Variants in SNTG1 observed in about 807,000 individuals in gnomAD.
SNTG1 encodes the protein syntrophin gamma 1.
SNTG1 carries 39 observed loss-of-function variants against 74.7 expected under a neutral mutation model. That is an observed-to-expected ratio of 0.52 (90% CI 0.40 to 0.68). The LOEUF (loss-of-function observed/expected upper bound fraction) is 0.68, where lower values mean the gene tolerates loss of function less well. Among genes scored for constraint, SNTG1 ranks in the 30% least tolerant of loss-of-function variants. The pLI, the probability that SNTG1 is intolerant of heterozygous loss-of-function variation, is 0.00. For missense variants in SNTG1, 685 were observed against 609.5 expected (o/e 1.12, Z -1.30); for synonymous variants, 254 against 217.1 (o/e 1.17, Z -1.49).
At chr8:50,595,398 GA>G (rs2094720667) in intron 13 of SNTG1, among the ~76,000 whole-genome samples, 1 of 151,958 alleles carries the variant, frequency 6.6e-6, no homozygotes, top group African/African-American at 2.4e-5. Flanking sequence ...TATTTCCCAG[GA>G]AAAAGAGGTG....
chr8:50,752,021 A>G lies in SNTG1; in HGVS notation c.1305A>G (p.Lys435=), dbSNP rs750409773. 1 of 1,568,216 alleles carries G rather than the reference A, an allele frequency of 6.4e-7. No individual in the cohort carries two copies. Among genetic ancestry groups the G allele is most frequent in the Admixed American group, 2.0e-5 (1 of 50,026 alleles). The change falls in exon 18 of 19, where the codon AAA becomes AAG. Residue 435 remains lysine, a synonymous_variant. Transcript: ENST00000642720. ...TTTAGGCTGTCCTTTGGAGGTATAA[A>G]TTCTCTCAGCTTAAAGGTTCTTCAG... The part of the protein sequence containing the change: ...AATKAVLWRY[K]FSQLKGSSDD...
intron 2 of SNTG1, among the ~76,000 whole-genome samples, chr8:50,372,164 A>G (rs1449402282): frequency 2.0e-5 from 3 of 147,270 alleles, no homozygotes; most frequent in African/African-American, 2.5e-5. Context: ...ATCTTATCCC[A>G]TGTCAACTTT....
At chr8:50,093,709 G>A (rs984252993) in intron 1 of SNTG1, among the ~76,000 whole-genome samples, 3 of 152,130 alleles carry the variant, frequency 2.0e-5, no homozygotes, top group Non-Finnish European at 4.4e-5. Flanking sequence ...TATAGGGGCA[G>A]TTGGCTAAGG....
At chr8:50,556,934 T>G (rs1486812312) in intron 12 of SNTG1, among the ~76,000 whole-genome samples, 1 of 152,148 alleles carries the variant, frequency 6.6e-6, no homozygotes, top group Non-Finnish European at 1.5e-5. Flanking sequence ...TCAGCACATG[T>G]CAGTCACATG....
chr8:50,274,932 T>G lies in SNTG1; in HGVS notation c.-28+102297T>G, dbSNP rs149842765. ...CGGTAGTACTATGTAATTCTTTTGA[T>G]TATTTCGATTACAATTCTATAATCC... is the stretch of plus-strand genomic sequence containing the variant. On this transcript the variant is annotated intron_variant, in intron 2 of 18. Coordinates refer to ENST00000642720, the MANE Select transcript of SNTG1 (RefSeq NM_018967.5). Among the ~76,000 whole-genome samples, 16 of 152,350 alleles carry G rather than the reference T, an allele frequency of 1.1e-4. No homozygotes were observed. In the East Asian group the frequency reaches 2.9e-3, roughly 28 times the overall value.
intron 8 of SNTG1, among the ~76,000 whole-genome samples, chr8:50,493,063 G>A (rs1459952267): frequency 2.0e-5 from 3 of 152,174 alleles, no homozygotes; most frequent in Non-Finnish European, 4.4e-5. Flanking sequence ...AAGCAATGGG[G>A]AAAGGATTCC....
chr8:50,348,436 C>G (rs1007989189), intron 2 of SNTG1, among the ~76,000 whole-genome samples: 1 of 152,160 alleles, frequency 6.6e-6, no homozygotes, highest in Non-Finnish European at 1.5e-5. Context: ...TTATATGTCT[C>G]TCTCTTACAT....
At chr8:50,494,485 A>G (rs2093886288) in intron 8 of SNTG1, among the ~76,000 whole-genome samples, 1 of 152,056 alleles carries the variant, frequency 6.6e-6, no homozygotes, top group Non-Finnish European at 1.5e-5. Flanking sequence ...AGAATTAGGT[A>G]AAACTCAGTT....
chr8:50,029,849 T>C (rs1817596144), intron 1 of SNTG1, among the ~76,000 whole-genome samples: 1 of 152,092 alleles, frequency 6.6e-6, no homozygotes, highest in African/African-American at 2.4e-5. Flanking sequence ...ATTTTTTTCT[T>C]TTGTGTATAT....
chr8:49,970,165 T>C (rs956212127), intron 1 of SNTG1, among the ~76,000 whole-genome samples: 2 of 152,100 alleles, frequency 1.3e-5, no homozygotes, highest in East Asian at 3.9e-4. Flanking sequence ...TCCAGTAATA[T>C]CTCTGTATCT....
chr8:50,653,850 C>T (rs933078078), intron 13 of SNTG1, among the ~76,000 whole-genome samples: 1 of 152,116 alleles, frequency 6.6e-6, no homozygotes, highest in African/African-American at 2.4e-5. Context: ...CACTCTCATT[C>T]ATTCATAGGT....
intron 1 of SNTG1, among the ~76,000 whole-genome samples, chr8:50,029,924 A>G (rs1009894617): frequency 6.6e-6 from 1 of 152,100 alleles, no homozygotes; most frequent in Non-Finnish European, 1.5e-5. Context: ...GAATCTCCAA[A>G]CTATTCTCCA....
rs58103614 is a variant in SNTG1 at position 50,376,756 on chromosome 8, T to TAG, written c.-27-17428_-27-17427dup. On this transcript the variant is annotated intron_variant, in intron 2 of 18. Transcript: ENST00000642720. ...ATATATATATATATATATATATATA[T>TAG]AGAGAGAGAGAGAGAGAGAGAGAGA... Among the ~76,000 whole-genome samples the TAG allele has an allele frequency of 2.7e-3, 241 of 89,936 alleles. 3 individuals are homozygous for TAG. Among genetic ancestry groups the TAG allele is most frequent in the African/African-American group, 7.7e-3 (188 of 24,322 alleles). The allele number at this position is 89,936 out of a possible 152,430, so 59.0% of individuals were successfully genotyped here.
intron 4 of SNTG1, among the ~76,000 whole-genome samples, chr8:50,415,013 T>C (rs2092997433): frequency 6.6e-6 from 1 of 152,222 alleles, no homozygotes; most frequent in Non-Finnish European, 1.5e-5. Flanking sequence ...ATCTGGATAA[T>C]TGTTTCTTTC....
At position 50,679,852 on chromosome 8, in the gene SNTG1, T is replaced by C. The variant is rs1469638406; in HGVS notation, c.1038+21189T>C. Among the ~76,000 whole-genome samples, 6 of 152,132 alleles carry C rather than the reference T, an allele frequency of 3.9e-5. No homozygotes were observed. In the South Asian group the frequency reaches 1.2e-3, roughly 32 times the overall value. On this transcript the variant is annotated intron_variant, in intron 15 of 18. Transcript: ENST00000642720. ...AGATTGCTTTTCTCTGGGCATGGTA[T>C]GAACTCAATTACAACTACATACAGT...
At chr8:50,397,670 T>G (rs1408688122) in intron 3 of SNTG1, among the ~76,000 whole-genome samples, 4 of 152,184 alleles carry the variant, frequency 2.6e-5, no homozygotes, top group African/African-American at 9.7e-5. Flanking sequence ...CCACACCCCA[T>G]TAGGAGATTA....
chr8:50,711,748 CTTACAT>C lies in SNTG1; in HGVS notation c.1284+2778_1284+2783del, dbSNP rs571996699. 2.2e-3 allele frequency among the ~76,000 whole-genome samples: 330 copies of C among 152,292 alleles called. 2 individuals are homozygous for C. Among genetic ancestry groups the C allele is most frequent in the African/African-American group, 7.5e-3 (313 of 41,556 alleles). On this transcript the variant is annotated intron_variant, in intron 17 of 18. Transcript: ENST00000642720. ...ATTAAATAGCATTCTGTTCCCTATACTTACATTTACATTAGTAGCATATCAAGAGGT... is the reference window on the plus strand; with the variant it reads ...ATTAAATAGCATTCTGTTCCCTATACTTACATTAGTAGCATATCAAGAGGT...
At chr8:50,348,940 A>G (rs2091564087) in intron 2 of SNTG1, among the ~76,000 whole-genome samples, 1 of 152,192 alleles carries the variant, frequency 6.6e-6, no homozygotes, top group South Asian at 2.1e-4. Flanking sequence ...TATGATTACA[A>G]CAGCCTACCC....
chr8:50,394,604 C>A (rs552921326), intron 3 of SNTG1, among the ~76,000 whole-genome samples: 1 of 152,262 alleles, frequency 6.6e-6, no homozygotes, highest in South Asian at 2.1e-4. Context: ...TCTAAGGTTC[C>A]TTTCAGCCCT....
Sources: gnomAD v4.1 joint callset for allele counts (sites outside exome capture counted in the v4.1 genomes callset) on GRCh38, gnomAD v4.1.1 for gene constraint, MANE v1.5 for transcripts, NCBI Gene and HGNC (gene_info 2026-07-23, HGNC 2026-07-21) for gene names.